The following PARP4 variants were observed in gnomAD, a reference collection of about 807,000 sequenced individuals.
The protein encoded by PARP4 is protein mono-ADP-ribosyltransferase PARP4.
PARP4 carries 120 observed loss-of-function variants against 187.7 expected under a neutral mutation model. That is an observed-to-expected ratio of 0.64 (90% confidence interval 0.55 to 0.74). The LOEUF is 0.74. Among genes scored for constraint, PARP4 ranks in the 30% least tolerant of loss-of-function variants. The pLI, the probability that PARP4 is intolerant of heterozygous loss-of-function variation, is 0.00. For synonymous variants in PARP4, 654 were observed against 740.9 expected (o/e 0.88, Z 1.90); for missense variants, 1,836 against 2,070.5 (o/e 0.89, Z 2.20).
intron 30 of PARP4, among the ~76,000 whole-genome samples, chr13:24,440,550 T>G (rs1309984230): frequency 1.3e-5 from 2 of 152,070 alleles, no homozygotes. Flanking sequence ...ACAGCTAATA[T>G]TTATCAAATA....
chr13:24,511,121 T>C (rs1192603383), intron 1 of PARP4, among the ~76,000 whole-genome samples: 2 of 152,040 alleles, frequency 1.3e-5, no homozygotes, highest in Admixed American at 1.3e-4. Flanking sequence ...AAATCTGCGG[T>C]CTGTTCTTAG....
At chr13:24,436,999 G>A (rs765831289) in intron 30 of PARP4, among the ~76,000 whole-genome samples, 5 of 152,036 alleles carry the variant, frequency 3.3e-5, no homozygotes, top group Non-Finnish European at 5.9e-5. Flanking sequence ...AATAGTGATG[G>A]ACTAGAACTA....
At chr13:24,505,748 T>C (rs1869606497) in intron 1 of PARP4, among the ~76,000 whole-genome samples, 2 of 152,346 alleles carry the variant, frequency 1.3e-5, no homozygotes, top group South Asian at 4.1e-4. Context: ...CAGACTGGTA[T>C]TTGTCAATTT....
chr13:24,469,169 A>G (rs1463264879), intron 16 of PARP4, 59 bp from the exon 17 acceptor site: 1 of 1,175,326 alleles, frequency 8.5e-7, no homozygotes, highest in Non-Finnish European at 1.3e-6. Context: ...GGCTTTAATG[A>G]AGAAAACAAC....
Position 24,431,368 on chromosome 13 carries a change from G to A in PARP4, c.4846+9C>T. ...TAATGACTTAATAAATGGAAACATA[G>A]TGCCTTACCTAGAGATTGAATGCCT... On this transcript the variant is annotated intron_variant, in intron 32 of 33. Transcript: ENST00000381989. The A allele has an allele frequency of 6.8e-7, 1 of 1,464,016 alleles. No individual in the cohort carries two copies. The highest frequency in any genetic ancestry group is 9.4e-7 in the Non-Finnish European group (1 of 1,067,626). 90.7% of individuals were successfully genotyped at this position (1,464,016 alleles called of 1,614,324 possible).
chr13:24,439,480 G>A (rs1870806241), intron 30 of PARP4, among the ~76,000 whole-genome samples: 1 of 132,808 alleles, frequency 7.5e-6, no homozygotes, highest in Admixed American at 7.4e-5. Flanking sequence ...GACCTTTTCT[G>A]TGAACAAAAC....
At chr13:24,430,894 G>T (rs1202018392) in intron 32 of PARP4, among the ~76,000 whole-genome samples, 2 of 152,336 alleles carry the variant, frequency 1.3e-5, no homozygotes, top group East Asian at 1.9e-4. Flanking sequence ...CATGGATGGG[G>T]CTATGTGACT....
chr13:24,452,500 G>A lies in PARP4; in HGVS notation c.2920C>T (p.Leu974=), dbSNP rs757188480. 1.9e-6 allele frequency: 3 copies of A among 1,614,102 alleles called. No homozygotes were observed. Among genetic ancestry groups the A allele is most frequent in the Admixed American group, 1.7e-5 (1 of 60,014 alleles). ...YPARGSRNIL[L]VSDGHLQDES... is the part of the protein sequence containing the mutation. ...TCCTGGAGGTGCCCATCAGACACCAGGAGGATGTTCCGTGACCCTCGAGCA... is the reference window on the plus strand; with the variant it reads ...TCCTGGAGGTGCCCATCAGACACCAAGAGGATGTTCCGTGACCCTCGAGCA... The change falls in exon 24 of 34, where the codon CTG becomes TTG. Residue 974 remains leucine (L), a synonymous_variant. Transcript: ENST00000381989.
intron 1 of PARP4, 21 bp downstream of exon 1, chr13:24,512,685 C>G (rs1245145826): frequency 1.3e-5 from 2 of 152,674 alleles, no homozygotes; most frequent in Admixed American, 6.5e-5. Context: ...TGCAGCCCCC[C>G]ACCCCGCAGC....
At chr13:24,495,575 T>A (rs1868900013) in intron 6 of PARP4, among the ~76,000 whole-genome samples, 1 of 152,174 alleles carries the variant, frequency 6.6e-6, no homozygotes, top group South Asian at 2.1e-4. Context: ...GGGCAACTCC[T>A]GCCTCTGTAG....
At chr13:24,451,257 C>T (rs530635360) in intron 24 of PARP4, among the ~76,000 whole-genome samples, 15 of 152,286 alleles carry the variant, frequency 9.8e-5, no homozygotes, top group African/African-American at 3.4e-4. Context: ...CTGCCCTGAG[C>T]GCAGCTGTGA....
At chr13:24,447,446 C>T (rs1227933645) in intron 25 of PARP4, among the ~76,000 whole-genome samples, 12 of 152,180 alleles carry the variant, frequency 7.9e-5, no homozygotes, top group African/African-American at 2.9e-4. Context: ...CTGCAACCTC[C>T]CCCTCCCAGG....
chr13:24,504,629 T>C (rs901589951), intron 1 of PARP4, among the ~76,000 whole-genome samples: 1 of 152,118 alleles, frequency 6.6e-6, no homozygotes, highest in Non-Finnish European at 1.5e-5. Flanking sequence ...ACATTCTCAA[T>C]TTTGCATCGA....
chr13:24,494,629 G>C lies in PARP4; in HGVS notation c.685C>G (p.Leu229Val). 2 of 1,611,464 alleles carry C rather than the reference G, an allele frequency of 1.2e-6. No homozygotes were observed. The highest frequency in any genetic ancestry group is 1.7e-6 in the Non-Finnish European group (2 of 1,178,082). The change falls in exon 7 of 34, where the codon CTA becomes GTA. Residue 229 changes from leucine (L) to valine (V), a missense_variant. Around this residue, in one of 8 missense-constraint regions of PARP4, gnomAD observed 1,147 missense variants for 1,214.2 expected, o/e 0.94. Transcript: ENST00000381989. ...GCTTCAGGTGTGAAATGTTCTCTTA[G>C]TAGAAATCCTTGTTTCTTCAGTTCT... ...IEELKKQGFL[L>V]REHFTPEATQ...
Position 24,446,706 on chromosome 13 carries a change from G to A in PARP4, c.3341C>T (p.Thr1114Ile). The change falls in exon 27 of 34, where the codon ACT becomes ATT. Residue 1114 changes from threonine to isoleucine, a missense_variant. This residue lies in a region of PARP4 where 56 missense variants were observed against 56.6 expected (regional missense o/e 0.99). Coordinates refer to ENST00000381989, the MANE Select transcript of PARP4 (RefSeq NM_006437.4). Reference protein sequence around the residue: ...EKEFRTMVSTTELQKTTGTMI... With the variant: ...EKEFRTMVSTIELQKTTGTMI... ...AGTTCCAGTTGTCTTCTGAAGCTCA[G>A]TAGTCGACACCATTGTACGAAATTC... is the stretch of plus-strand genomic sequence containing the variant. 2.5e-6 allele frequency: 4 copies of A among 1,598,294 alleles called. No homozygotes were observed. The highest frequency in any genetic ancestry group is 2.6e-6 in the Non-Finnish European group (3 of 1,165,570).
intron 20 of PARP4, among the ~76,000 whole-genome samples, chr13:24,457,632 G>A (rs7318023): frequency 0.12 from 17,940 of 151,806 alleles, 1,210 homozygotes; most frequent in African/African-American, 0.15. Flanking sequence ...TTAGCTGGGC[G>A]TGGTGGCAGG....
intron 17 of PARP4, among the ~76,000 whole-genome samples, chr13:24,464,924 C>T (rs745923482): frequency 2.1e-4 from 32 of 151,694 alleles, no homozygotes; most frequent in Admixed American, 3.9e-4. Context: ...CCAGAATCTA[C>T]AAGGAACTTA....
At chr13:24,456,295 CAT>C in intron 21 of PARP4, 44 bp downstream of exon 21, 2 of 1,482,888 alleles carry the variant, frequency 1.3e-6, no homozygotes, top group Non-Finnish European at 1.8e-6. Flanking sequence ...TATTCTGAAA[CAT>C]TTTTTCAATA....
At position 24,489,377 on chromosome 13, in the gene PARP4, A is replaced by C. The variant is rs1429117095; in HGVS notation, c.1214+1291T>G. On this transcript the variant is annotated intron_variant, in intron 10 of 33. Transcript: ENST00000381989. ...GTAATCCCAGCACTTTGGGAGGCCG[A>C]GGCTGGCAGATCACAAGGTCAGGAG... Among the ~76,000 whole-genome samples the C allele has an allele frequency of 3.9e-5, 6 of 152,136 alleles. No individual in the cohort carries two copies. The South Asian group carries it at 1.2e-3, about 32-fold the overall frequency.
Sources: allele counts gnomAD v4.1 joint callset (sites outside exome capture counted in the v4.1 genomes callset), GRCh38; gene constraint gnomAD v4.1.1; regional missense constraint gnomAD v4.1.1; transcripts MANE v1.5; gene names NCBI Gene and HGNC (gene_info 2026-07-23, HGNC 2026-07-21).